Variants in CCM2L observed in about 807,000 individuals in gnomAD.
The protein encoded by CCM2L is CCM2 like scaffold protein.
A neutral mutation model predicts 54.1 loss-of-function variants in CCM2L; 36 were observed. The ratio of observed to expected loss-of-function variants is 0.67; its 90% CI spans 0.51 to 0.88. The LOEUF (loss-of-function observed/expected upper bound fraction) is 0.88. CCM2L is among the 40% of genes least tolerant of loss of function. The probability of loss-of-function intolerance (pLI) is 0.00; values close to 1 mark genes in which losing one functional copy is unlikely to be tolerated. For synonymous variants in CCM2L, 351 were observed against 359.3 expected, an observed-to-expected ratio of 0.98 and a Z score of 0.26; for missense variants, 700 against 812.1, an observed-to-expected ratio of 0.86 and a Z score of 1.68.
intron 1 of CCM2L, among the ~76,000 whole-genome samples, chr20:32,011,376 G>A (rs779573329): frequency 9.9e-5 from 15 of 152,174 alleles, no homozygotes; most frequent in Non-Finnish European, 1.6e-4. Flanking sequence ...AGGCCGAGGC[G>A]GGTGGATCAC....
intron 2 of CCM2L, 28 bp from the exon 3 acceptor site, chr20:32,017,772 T>C (rs1205999222): frequency 6.3e-7 from 1 of 1,593,484 alleles, no homozygotes; most frequent in Non-Finnish European, 8.6e-7. Context: ...CATCTCTGTG[T>C]CCTTCTCTCA....
intron 6 of CCM2L, among the ~76,000 whole-genome samples, chr20:32,025,056 C>CTTCTTTCT (rs75583214): frequency 0.014 from 2,182 of 150,930 alleles, 46 homozygotes; most frequent in African/African-American, 0.042. Context: ...TCTCTTTCTT[C>CTTCTTTCT]TTCTTTCTTT....
chr20:32,018,933 A>C lies in CCM2L; in HGVS notation c.467-10A>C, dbSNP rs920798720. On this transcript the variant is annotated splice_polypyrimidine_tract_variant and intron_variant, in intron 4 of 9. Transcript: ENST00000452892. ...ATCCCCGCGGCTGACGGTCCCCCGG[A>C]CTCTCCTAGGTCTGGGTGTGGACCC... 17 of 1,329,100 alleles carry C rather than the reference A, an allele frequency of 1.3e-5. No individual in the cohort carries two copies. The Admixed American group carries it at 1.9e-4, about 15-fold the overall frequency. 82.3% of individuals were successfully genotyped at this position (1,329,100 alleles called of 1,614,324 possible).
intron 4 of CCM2L, 124 bp from the exon 5 acceptor site, chr20:32,018,819 A>C: frequency 8.7e-7 from 1 of 1,146,002 alleles, no homozygotes; most frequent in Non-Finnish European, 1.1e-6. Flanking sequence ...GCTACTTTAA[A>C]GCCGGGGGCG....
Position 32,031,008 on chromosome 20 carries a change from G to A in CCM2L, c.1410G>A (p.Arg470=), listed in dbSNP as rs1485273703. The change falls in exon 10 of 10, where the codon CGG becomes CGA. Residue 470 remains arginine, a synonymous_variant. Transcript: ENST00000452892. ...DRRKFLLLGM[R]PFIPDQDIGY... ...ATGCCCCTCGGCTCGCAGGGATGCG[G>A]CCCTTCATCCCGGACCAGGACATCG... The A allele has an allele frequency of 1.5e-5, 20 of 1,304,012 alleles. No homozygotes were observed. Among genetic ancestry groups the A allele is most frequent in the Non-Finnish European group, 1.9e-5 (19 of 988,926 alleles). 80.8% of individuals were successfully genotyped at this position (1,304,012 alleles called of 1,614,324 possible).
Position 32,017,793 on chromosome 20 carries a change from C to T in CCM2L, c.199-7C>T. 1.9e-6 allele frequency: 3 copies of T among 1,613,754 alleles called. No individual in the cohort carries two copies. The highest frequency in any genetic ancestry group is 2.2e-5 in the East Asian group (1 of 44,878). ...TGTGTCCTTCTCTCACCCCGATTTC[C>T]ATCCAGTTCCTGGGCCACCTTACCT... On this transcript the variant is annotated splice_region_variant and splice_polypyrimidine_tract_variant and intron_variant, in intron 2 of 9. Coordinates refer to ENST00000452892, the MANE Select transcript of CCM2L (RefSeq NM_001365692.1).
chr20:32,020,777 G>A (rs1302801300), intron 5 of CCM2L, among the ~76,000 whole-genome samples: 1 of 152,090 alleles, frequency 6.6e-6, no homozygotes, highest in Non-Finnish European at 1.5e-5. Context: ...CCTGAGTTGA[G>A]GAGTTAAGAC....
At chr20:32,013,846 G>C (rs944184842) in intron 1 of CCM2L, among the ~76,000 whole-genome samples, 1 of 152,208 alleles carries the variant, frequency 6.6e-6, no homozygotes, top group African/African-American at 2.4e-5. Flanking sequence ...TGGTGGGCTT[G>C]TTAAGCCCTA....
At chr20:32,028,318 C>A (rs2064882340) in intron 7 of CCM2L, 1 of 151,956 alleles carries the variant, frequency 6.6e-6, no homozygotes, top group African/African-American at 2.4e-5. Context: ...CTTGTAGTCC[C>A]AGCTACTCAG....
chr20:32,022,974 T>C (rs1037431264), intron 6 of CCM2L, among the ~76,000 whole-genome samples, 179 bp downstream of exon 6: 5 of 151,818 alleles, frequency 3.3e-5, no homozygotes, highest in Admixed American at 3.3e-4. Context: ...TTTCTTTTCT[T>C]TTTTCTTTTT....
At chr20:32,027,426 T>A (rs905252255) in intron 7 of CCM2L, among the ~76,000 whole-genome samples, 2 of 152,382 alleles carry the variant, frequency 1.3e-5, no homozygotes, top group Middle Eastern at 3.4e-3. Flanking sequence ...AAGCACTTTA[T>A]TTTTTCATCA....
At chr20:32,030,749 C>T in intron 9 of CCM2L, among the ~76,000 whole-genome samples, 1 of 151,202 alleles carries the variant, frequency 6.6e-6, no homozygotes, top group African/African-American at 2.4e-5. Flanking sequence ...GCATGAGAAT[C>T]TCTTGAACCC....
Position 32,019,425 on chromosome 20 carries a change from G to A in CCM2L, c.933+16G>A, listed in dbSNP as rs1196001465. Reference sequence around the variant, plus strand: ...AGCCAACAGGGTGAGCCCGAGGGCAGCCTGCTCCCAAAGCCCGGCTTCGGG... The same window carrying A: ...AGCCAACAGGGTGAGCCCGAGGGCAACCTGCTCCCAAAGCCCGGCTTCGGG... On this transcript the variant is annotated intron_variant, in intron 5 of 9. Coordinates refer to ENST00000452892, the MANE Select transcript of CCM2L (RefSeq NM_001365692.1). The A allele has an allele frequency of 1.3e-6, 2 of 1,486,674 alleles. No individual in the cohort carries two copies. Among genetic ancestry groups the A allele is most frequent in the Admixed American group, 2.3e-5 (1 of 44,436 alleles). The allele number at this position is 1,486,674 out of a possible 1,614,324, so 92.1% of individuals were successfully genotyped here.
chr20:32,031,519 T>A lies in CCM2L; in HGVS notation c.*205T>A, dbSNP rs1013989144. On this transcript the variant is annotated 3_prime_UTR_variant, in exon 10 of 10. Coordinates refer to ENST00000452892, the MANE Select transcript of CCM2L (RefSeq NM_001365692.1). The stretch of plus-strand genomic sequence containing the variant: ...GGGAAAGCGAAGCCGGGCCCTGAAG[T>A]CCGGGGCAGTCACCCGGGGCTCCTG... The A allele has an allele frequency of 3.4e-5, 11 of 326,372 alleles. No homozygotes were observed. The highest frequency in any genetic ancestry group is 3.9e-5 in the Non-Finnish European group (7 of 180,550). The allele number at this position is 326,372 out of a possible 1,614,324, so 20.2% of individuals were successfully genotyped here.
rs2064774235 is a variant in CCM2L, at chr20:32,019,135, G to A, written c.659G>A (p.Gly220Asp). The change falls in exon 5 of 10, where the codon GGC (glycine) becomes GAC (aspartate). Residue 220 changes from glycine to aspartate, a missense_variant. Transcript: ENST00000452892. ...GAAEARAGGGGGGSLERQRAG... is the reference protein window; with the variant it reads ...GAAEARAGGGDGGSLERQRAG... ...GCGGAGGCCCGGGCCGGGGGAGGCG[G>A]CGGCGGCAGCTTGGAGCGCCAGCGC... 2 of 1,141,604 alleles carry A rather than the reference G, an allele frequency of 1.8e-6. No individual in the cohort carries two copies. Among genetic ancestry groups the A allele is most frequent in the Non-Finnish European group, 2.2e-6 (2 of 928,726 alleles). The allele number at this position is 1,141,604 out of a possible 1,614,324, so 70.7% of individuals were successfully genotyped here.
rs563013968 is a variant in CCM2L, at chr20:32,015,119, C to T, written c.198+48C>T. 3.5e-6 allele frequency: 5 copies of T among 1,435,676 alleles called. No homozygotes were observed. The South Asian group carries it at 7.6e-5, about 22-fold the overall frequency. 88.9% of individuals were successfully genotyped at this position (1,435,676 alleles called of 1,614,324 possible). A position where few individuals can be genotyped will look rare whatever the true frequency, so the allele number is the denominator to read the frequency against. Reference sequence around the variant, plus strand: ...TGGGAAAACCTTGGGGTGAGGAGACCTTCACTTCTCCTTGACACCAAGTTC... The same window carrying T: ...TGGGAAAACCTTGGGGTGAGGAGACTTTCACTTCTCCTTGACACCAAGTTC... On this transcript the variant is annotated intron_variant, in intron 2 of 9. Coordinates refer to ENST00000452892, the MANE Select transcript of CCM2L (RefSeq NM_001365692.1).
chr20:32,029,938 C>T lies in CCM2L; in HGVS notation c.1402+100C>T. The T allele has an allele frequency of 3.7e-6, 5 of 1,351,358 alleles. No homozygotes were observed. The South Asian group carries it at 8.3e-5, about 22-fold the overall frequency. 83.7% of individuals were successfully genotyped at this position (1,351,358 alleles called of 1,614,324 possible). On this transcript the variant is annotated intron_variant, in intron 9 of 9. Transcript: ENST00000452892. ...CTGCAAATGTTTTCTCCTTATCTTT[C>T]AGCCTCTGATGAAACCCAGATCATG... is the stretch of plus-strand genomic sequence containing the variant.
chr20:32,026,137 C>T (rs905598278), intron 7 of CCM2L, among the ~76,000 whole-genome samples: 1 of 152,206 alleles, frequency 6.6e-6, no homozygotes, highest in Admixed American at 6.5e-5. Context: ...TGGGTCCACA[C>T]AGTCCTGTGG....
chr20:32,012,824 G>A (rs2064705597), intron 1 of CCM2L, among the ~76,000 whole-genome samples: 1 of 152,182 alleles, frequency 6.6e-6, no homozygotes, highest in Admixed American at 6.5e-5. Context: ...TAAATGAACA[G>A]ATGTATTTGT....
Sources: gnomAD v4.1 joint callset for allele counts (sites outside exome capture counted in the v4.1 genomes callset) on GRCh38, gnomAD v4.1.1 for gene constraint, MANE v1.5 for transcripts, NCBI Gene and HGNC (gene_info 2026-07-23, HGNC 2026-07-21) for gene names.